Variants in ARB2A observed in about 807,000 individuals in gnomAD.
ARB2A encodes ARB2 cotranscriptional regulator A.
chr5:93,974,008 C>A, the ARB2A span, among the ~76,000 whole-genome samples: 1 of 152,220 alleles, frequency 6.6e-6, no homozygotes, highest in African/African-American at 2.4e-5. Context: ...TACCATGCAA[C>A]TAGCTAACGA....
the ARB2A span, among the ~76,000 whole-genome samples, chr5:93,673,940 A>C: frequency 6.6e-6 from 1 of 152,222 alleles, no homozygotes; most frequent in Non-Finnish European, 1.5e-5. Context: ...TATTCTAATA[A>C]ATATTTTCAT....
chr5:93,832,032 A>C, the ARB2A span, among the ~76,000 whole-genome samples: 1 of 152,148 alleles, frequency 6.6e-6, no homozygotes, highest in Non-Finnish European at 1.5e-5. Flanking sequence ...CATCAAACTC[A>C]TGAGACTATT....
At chr5:93,783,085 T>C in the ARB2A span, among the ~76,000 whole-genome samples, 2 of 152,114 alleles carry the variant, frequency 1.3e-5, no homozygotes, top group African/African-American at 4.8e-5. Context: ...AAAGTAAACC[T>C]AAATAAATTT....
the ARB2A span, among the ~76,000 whole-genome samples, chr5:93,780,498 T>C: frequency 6.7e-6 from 1 of 148,802 alleles, no homozygotes; most frequent in Admixed American, 6.6e-5. Flanking sequence ...AGTATACTAC[T>C]CTTTGACCTT....
At chr5:93,664,167 A>G in the ARB2A span, among the ~76,000 whole-genome samples, 1 of 151,730 alleles carries the variant, frequency 6.6e-6, no homozygotes, top group African/African-American at 2.4e-5. Context: ...TGCAGCCTCA[A>G]ACTCCTAGGC....
chr5:93,732,025 G>A, the ARB2A span, among the ~76,000 whole-genome samples: 1 of 152,202 alleles, frequency 6.6e-6, no homozygotes, highest in Non-Finnish European at 1.5e-5. Flanking sequence ...CTGCCTCATA[G>A]CTATGCTCCT....
At chr5:94,040,329 TTGAC>T in the ARB2A span, among the ~76,000 whole-genome samples, 188 of 152,184 alleles carry the variant, frequency 1.2e-3, no homozygotes, top group African/African-American at 3.9e-3. Context: ...AGATCCCTTC[TTGAC>T]TGACAAGCAG....
chr5:93,782,107 CTT>C, the ARB2A span, among the ~76,000 whole-genome samples: 4 of 152,256 alleles, frequency 2.6e-5, no homozygotes, highest in East Asian at 7.7e-4. Flanking sequence ...CTGTCATACT[CTT>C]TTACAGTCTC....
the ARB2A span, among the ~76,000 whole-genome samples, chr5:93,940,436 T>C: frequency 3.9e-5 from 6 of 152,172 alleles, no homozygotes; most frequent in Admixed American, 3.3e-4. Context: ...TGTCACATTG[T>C]AAATAAATAA....
At chr5:94,032,984 T>A in the ARB2A span, among the ~76,000 whole-genome samples, 1 of 152,190 alleles carries the variant, frequency 6.6e-6, no homozygotes, top group South Asian at 2.1e-4. Context: ...CCCTCCATGC[T>A]GTTCTCATGA....
the ARB2A span, among the ~76,000 whole-genome samples, chr5:94,037,359 A>T: frequency 6.6e-6 from 1 of 152,134 alleles, no homozygotes; most frequent in African/African-American, 2.4e-5. Context: ...TCATTTCTTC[A>T]TCTCTCCTAC....
chr5:93,794,104 A>G, the ARB2A span, among the ~76,000 whole-genome samples: 1 of 152,090 alleles, frequency 6.6e-6, no homozygotes, highest in Non-Finnish European at 1.5e-5. Flanking sequence ...AACAGAAATT[A>G]TAGCATTTGT....
At chr5:93,658,385 C>T in the ARB2A span, among the ~76,000 whole-genome samples, 7 of 152,180 alleles carry the variant, frequency 4.6e-5, no homozygotes, top group Non-Finnish European at 7.4e-5. Context: ...TTTAATGTTA[C>T]ATTACAGTCT....
chr5:93,643,193 T>G, the ARB2A span, among the ~76,000 whole-genome samples: 1 of 152,208 alleles, frequency 6.6e-6, no homozygotes, highest in Non-Finnish European at 1.5e-5. Context: ...GACAGATTAT[T>G]TCTGCTATTT....
the ARB2A span, chr5:93,881,604 C>T: frequency 3.1e-6 from 5 of 1,608,930 alleles, no homozygotes; most frequent in Non-Finnish European, 4.2e-6. Context: ...TCTGAACTAT[C>T]AGATGATGAC....
the ARB2A span, among the ~76,000 whole-genome samples, chr5:93,887,256 TAAAA>T: frequency 1.2e-5 from 1 of 81,418 alleles, no homozygotes; most frequent in African/African-American, 4.3e-5. Flanking sequence ...AGTGAGTGGA[TAAAA>T]AAAAAAAAAA....
the ARB2A span, among the ~76,000 whole-genome samples, chr5:93,853,210 T>C: frequency 2.0e-5 from 3 of 152,152 alleles, no homozygotes; most frequent in African/African-American, 7.2e-5. Flanking sequence ...TTTTATTCTC[T>C]TTGAAGCAAT....
the ARB2A span, among the ~76,000 whole-genome samples, chr5:94,039,281 TTAAGACACTC>T: frequency 6.6e-6 from 1 of 152,076 alleles, no homozygotes; most frequent in African/African-American, 2.4e-5. Context: ...TCCTAGACCA[TTAAGACACTC>T]TAAGTCACAG....
the ARB2A span, among the ~76,000 whole-genome samples, chr5:94,053,656 G>A: frequency 3.2e-4 from 49 of 152,112 alleles, no homozygotes; most frequent in Non-Finnish European, 6.6e-4. Context: ...TTTTTAGGGG[G>A]AAAACTGTTA....
Sources: allele counts gnomAD v4.1 joint callset (sites outside exome capture counted in the v4.1 genomes callset), GRCh38; gene constraint gnomAD v4.1.1; transcripts MANE v1.5; gene names NCBI Gene and HGNC (gene_info 2026-07-23, HGNC 2026-07-21).